TSHZ2: variants seen among roughly 807,000 people sequenced by gnomAD.
TSHZ2 encodes the protein teashirt zinc finger homeobox 2, also known as teashirt homolog 2.
In TSHZ2, 21 loss-of-function variants were observed where a neutral mutation model predicts 74.4. The observed-to-expected ratio is 0.28, with a 90% CI of 0.20 to 0.41. The LOEUF is 0.41. TSHZ2 is among the 10% of genes least tolerant of loss of function. The pLI, the probability that TSHZ2 is intolerant of heterozygous loss-of-function variation, is 1.00. For missense variants in TSHZ2, 1,244 were observed against 1,293.5 expected, an observed-to-expected ratio of 0.96 and a Z score of 0.59; for synonymous variants, 540 against 515.3, an observed-to-expected ratio of 1.05 and a Z score of -0.65.
chr20:53,177,433 A>G (rs552487223), intron 1 of TSHZ2, among the ~76,000 whole-genome samples: 1 of 152,160 alleles, frequency 6.6e-6, no homozygotes, highest in African/African-American at 2.4e-5. Flanking sequence ...CTGATTCAGC[A>G]GATCTGTGCC....
At chr20:53,161,130 C>CAAAAAAAA (rs368626161) in intron 1 of TSHZ2, among the ~76,000 whole-genome samples, 1,147 of 67,922 alleles carry the variant, frequency 0.017, 199 homozygotes, top group African/African-American at 0.059. Flanking sequence ...TTATTTTCAG[C>CAAAAAAAA]AAAAAAAAAA....
intron 1 of TSHZ2, among the ~76,000 whole-genome samples, chr20:53,193,184 AAAAG>A (rs1333613612): frequency 4.8e-4 from 27 of 55,988 alleles, no homozygotes; most frequent in Non-Finnish European, 1.1e-3. Context: ...AAAAAAAGAA[AAAAG>A]AAAAAAAAAA....
rs757228595 is a variant in TSHZ2, at chr20:53,254,127, C to T, written c.669C>T (p.Ala223=). The T allele has an allele frequency of 6.2e-7, 1 of 1,614,120 alleles. No individual in the cohort carries two copies. Residue 223 remains alanine (A), a synonymous_variant, in exon 2 of 3, where the codon GCC becomes GCT. Transcript: ENST00000371497. ...SRFRCRQCSA[A]YDTLVELTVH... Reference sequence around the variant, plus strand: ...TCCGATGCCGACAGTGCAGCGCGGCCTATGACACCCTAGTCGAGCTGACTG... The same window carrying T: ...TCCGATGCCGACAGTGCAGCGCGGCTTATGACACCCTAGTCGAGCTGACTG...
At chr20:53,039,391 T>C (rs1659734404) in intron 1 of TSHZ2, among the ~76,000 whole-genome samples, 1 of 152,210 alleles carries the variant, frequency 6.6e-6, no homozygotes, top group African/African-American at 2.4e-5. Context: ...TCTCTCTCGA[T>C]GCTGTTGTAT....
At chr20:53,126,821 C>G (rs1986960021) in intron 1 of TSHZ2, among the ~76,000 whole-genome samples, 1 of 152,058 alleles carries the variant, frequency 6.6e-6, no homozygotes, top group African/African-American at 2.4e-5. Flanking sequence ...ACAAGGCTTT[C>G]CGGATCCACA....
chr20:53,249,302 G>A (rs937105754), intron 1 of TSHZ2, among the ~76,000 whole-genome samples: 1 of 152,198 alleles, frequency 6.6e-6, no homozygotes, highest in Non-Finnish European at 1.5e-5. Flanking sequence ...TTTTTACTGT[G>A]TAATCTATTC....
In TSHZ2 at chr20:53,001,211, T is replaced by C. The variant is rs1385431324; in HGVS notation, c.40+27878T>C. Among the ~76,000 whole-genome samples the C allele has an allele frequency of 8.7e-4, 105 of 120,612 alleles. 2 individuals are homozygous for C. The highest frequency in any genetic ancestry group is 4.5e-3 in the Middle Eastern group (1 of 220). 79.1% of individuals were successfully genotyped at this position (120,612 alleles called of 152,430 possible). A position where few individuals can be genotyped will look rare whatever the true frequency, so the allele number is the denominator to read the frequency against. On this transcript the variant is annotated intron_variant, in intron 1 of 2. Coordinates refer to ENST00000371497, the MANE Select transcript of TSHZ2 (RefSeq NM_173485.6). ...TTGTGTGTGCGTTCATGTGCGTGTG[T>C]GTGTGTGTGTGTGTGTGTGTGTGTG... is the stretch of plus-strand genomic sequence containing the variant.
At chr20:53,270,790 C>T (rs1971713501) in intron 2 of TSHZ2, among the ~76,000 whole-genome samples, 1 of 151,932 alleles carries the variant, frequency 6.6e-6, no homozygotes, top group Non-Finnish European at 1.5e-5. Context: ...ATTTTTTTAT[C>T]GATGGAGAAA....
intron 1 of TSHZ2, among the ~76,000 whole-genome samples, chr20:53,182,692 A>T (rs1184691670): frequency 6.6e-6 from 1 of 152,200 alleles, no homozygotes; most frequent in Non-Finnish European, 1.5e-5. Context: ...GCTCAGAGTA[A>T]AAAACAACCA....
At chr20:52,979,902 T>TG (rs1404455895) in intron 1 of TSHZ2, among the ~76,000 whole-genome samples, 3 of 152,130 alleles carry the variant, frequency 2.0e-5, no homozygotes. Context: ...AGAAATTACA[T>TG]GGGGGGAAGA....
chr20:53,073,278 ATTCATCCATCCATCCC>A (rs374326768), intron 1 of TSHZ2, among the ~76,000 whole-genome samples: 3,907 of 137,444 alleles, frequency 0.028, 198 homozygotes, highest in African/African-American at 0.1. Context: ...CCATCCCTCC[ATTCATCCATCCATCCC>A]TTCATCCATC....
In TSHZ2 at chr20:53,147,089, A is replaced by G. The variant is rs377080106; in HGVS notation, c.41-106410A>G. ...GATGCTAAGGTTGATTTTGTGCCCA[A>G]TGTATTAATTACATGCTTTTTGTTT... is the stretch of plus-strand genomic sequence containing the variant. On this transcript the variant is annotated intron_variant, in intron 1 of 2. Coordinates refer to ENST00000371497, the MANE Select transcript of TSHZ2 (RefSeq NM_173485.6). Among the ~76,000 whole-genome samples the G allele has an allele frequency of 7.9e-5, 12 of 152,186 alleles. No individual in the cohort carries two copies. In the East Asian group the frequency reaches 2.1e-3, roughly 27 times the overall value.
At chr20:53,086,521 G>A (rs1985705250) in intron 1 of TSHZ2, among the ~76,000 whole-genome samples, 1 of 152,078 alleles carries the variant, frequency 6.6e-6, no homozygotes, top group Admixed American at 6.5e-5. Context: ...ATCCCCAAGT[G>A]TGTCTACCAC....
At chr20:53,433,921 T>G (rs998019905) in intron 2 of TSHZ2, among the ~76,000 whole-genome samples, 8 of 152,134 alleles carry the variant, frequency 5.3e-5, no homozygotes, top group Non-Finnish European at 1.0e-4. Flanking sequence ...CAGGCTGGAG[T>G]GCAGTGGTGC....
At chr20:53,058,239 G>A (rs1392256758) in intron 1 of TSHZ2, among the ~76,000 whole-genome samples, 2 of 152,124 alleles carry the variant, frequency 1.3e-5, no homozygotes, top group Non-Finnish European at 2.9e-5. Context: ...CCACAGTCTC[G>A]TACTGGTATG....
At chr20:53,062,008 T>G (rs1984837754) in intron 1 of TSHZ2, among the ~76,000 whole-genome samples, 1 of 152,178 alleles carries the variant, frequency 6.6e-6, no homozygotes, top group Non-Finnish European at 1.5e-5. Context: ...TAAGCAAGAA[T>G]TAGCAAGGCT....
rs947916356 is a variant in TSHZ2, at chr20:53,141,383, C to T, written c.41-112116C>T. The stretch of plus-strand genomic sequence containing the variant: ...GTTTTAATGACAGCTTGAGAGGCTC[C>T]GCATCCTGGCCTCCTTCTATTTATG... On this transcript the variant is annotated intron_variant, in intron 1 of 2. Transcript: ENST00000371497. Among the ~76,000 whole-genome samples, 5 of 152,176 alleles carry T rather than the reference C, an allele frequency of 3.3e-5. No individual in the cohort carries two copies. The South Asian group carries it at 6.2e-4, about 19-fold the overall frequency.
At chr20:53,207,984 G>T (rs1989213445) in intron 1 of TSHZ2, among the ~76,000 whole-genome samples, 1 of 150,844 alleles carries the variant, frequency 6.6e-6, no homozygotes, top group Admixed American at 6.7e-5. Flanking sequence ...ACAGGCAGGA[G>T]CCACCATGTC....
At chr20:53,128,027 T>TC (rs11086413) in intron 1 of TSHZ2, among the ~76,000 whole-genome samples, 77,809 of 151,978 alleles carry the variant, frequency 0.51, 20,992 homozygotes, top group African/African-American at 0.68. Context: ...GTGGCTGTTT[T>TC]TGGCTGGTCA....
Sources: gnomAD v4.1 joint callset for allele counts (sites outside exome capture counted in the v4.1 genomes callset) on GRCh38, gnomAD v4.1.1 for gene constraint, MANE v1.5 for transcripts, NCBI Gene and HGNC (gene_info 2026-07-23, HGNC 2026-07-21) for gene names.